Variants in ECM2 observed in about 807,000 individuals in gnomAD.
ECM2 encodes the protein extracellular matrix protein 2, female organ and adipocyte specific.
Under a neutral mutation model 67.5 loss-of-function variants are expected in ECM2, and 57 were observed. The ratio of observed to expected loss-of-function variants is 0.84; its 90% CI spans 0.68 to 1.05. The LOEUF is 1.05. Among genes scored for constraint, ECM2 ranks in the 50% least tolerant of loss-of-function variants. The pLI, the probability that ECM2 is intolerant of heterozygous loss-of-function variation, is 0.00. For missense variants in ECM2, 741 were observed against 822.8 expected (o/e 0.90, Z 1.22); for synonymous variants, 258 against 294.5 (o/e 0.88, Z 1.27).
chr9:92,494,872 A>C (rs111893112), downstream of ECM2, among the ~76,000 whole-genome samples: 1,618 of 152,194 alleles, frequency 0.011, 33 homozygotes, highest in African/African-American at 0.037. Context: ...GCACCACTGC[A>C]CTCCAGCCTG....
rs1357055524 is a variant in ECM2 at position 92,514,872 on chromosome 9, C to T, written c.813G>A (p.Glu271=). The T allele has an allele frequency of 1.2e-6, 2 of 1,613,138 alleles. No homozygotes were observed. Among genetic ancestry groups the T allele is most frequent in the East Asian group, 2.2e-5 (1 of 44,886 alleles). ...AHQQQRQGRE[E]EEDEEEEGEE... ...CACCCTCCTCCTCCTCATCCTCCTC[C>T]TCCTCCCTTCCTTGGCGTTGTTGCT... Residue 271 remains glutamate (E), a synonymous_variant, in exon 4 of 10, where the codon GAG becomes GAA. Transcript: ENST00000344604.
chr9:92,548,437 C>A, the ECM2 span, among the ~76,000 whole-genome samples: 2 of 152,186 alleles, frequency 1.3e-5, no homozygotes, highest in East Asian at 3.8e-4. Context: ...CCACCCCATA[C>A]TTGCCAGGAT....
intron 2 of ECM2, 64 bp downstream of exon 2, chr9:92,522,511 C>T: frequency 1.4e-6 from 2 of 1,431,796 alleles, no homozygotes; most frequent in African/African-American, 1.4e-5. Flanking sequence ...CTCTCCTTCT[C>T]TTTCCCCATA....
the ECM2 span, among the ~76,000 whole-genome samples, chr9:92,545,788 A>C: frequency 1.8e-3 from 274 of 152,204 alleles, no homozygotes; most frequent in Admixed American, 3.7e-3. Context: ...ACCAGTCAGC[A>C]CTCCGTGTCT....
chr9:92,518,163 CA>C (rs546879809), intron 2 of ECM2, among the ~76,000 whole-genome samples: 92 of 152,288 alleles, frequency 6.0e-4, no homozygotes, highest in African/African-American at 2.1e-3. Flanking sequence ...TTAAATTATA[CA>C]ACATCAACAA....
chr9:92,522,613 C>T lies in ECM2; in HGVS notation c.254G>A (p.Ser85Asn), dbSNP rs1848147472. The change falls in exon 2 of 10, where the codon AGT becomes AAT. Residue 85 changes from serine (S) to asparagine (N), a missense_variant. Physicochemically the swap from Ser to Asn is conservative, Grantham distance 46. Coordinates refer to ENST00000344604, the MANE Select transcript of ECM2 (RefSeq NM_001393.4). The stretch of plus-strand genomic sequence containing the variant: ...ATAACTTGATTCTACTCCAGGAAAA[C>T]TTGAAAAGGATTCAAACTTTTCCTC... ...SMEEKFESFS[S>N]FPGVESSYNV... 1 of 1,613,526 alleles carries T rather than the reference C, an allele frequency of 6.2e-7. No individual in the cohort carries two copies. Among genetic ancestry groups the T allele is most frequent in the Non-Finnish European group, 8.5e-7 (1 of 1,179,828 alleles).
chr9:92,556,867 T>A, the ECM2 span, among the ~76,000 whole-genome samples: 1 of 152,222 alleles, frequency 6.6e-6, no homozygotes, highest in African/African-American at 2.4e-5. Context: ...CTGTGTACTT[T>A]GTGGGTTTTT....
At chr9:92,513,572 C>G (rs1035902479) in intron 4 of ECM2, among the ~76,000 whole-genome samples, 1 of 152,186 alleles carries the variant, frequency 6.6e-6, no homozygotes, top group African/African-American at 2.4e-5. Flanking sequence ...ATAGGAAACC[C>G]TGCCCCATCC....
the ECM2 span, among the ~76,000 whole-genome samples, chr9:92,550,232 C>T: frequency 5.3e-5 from 8 of 152,254 alleles, no homozygotes; most frequent in Middle Eastern, 3.4e-3. Context: ...CCCGTCTCTA[C>T]TAAAATACAC....
At chr9:92,515,279 A>G in intron 3 of ECM2, 76 bp from the exon 4 acceptor site, 1 of 1,385,394 alleles carries the variant, frequency 7.2e-7, no homozygotes, top group East Asian at 2.6e-5. Flanking sequence ...AATGAAAATG[A>G]GGTTAGTAAA....
chr9:92,506,367 A>G (rs1365896935), intron 6 of ECM2, among the ~76,000 whole-genome samples: 3 of 152,048 alleles, frequency 2.0e-5, no homozygotes, highest in Non-Finnish European at 4.4e-5. Context: ...CTAGCAAGAA[A>G]GGCCTTTATA....
intron 1 of ECM2, 82 bp from the exon 2 acceptor site, chr9:92,522,975 T>C: frequency 7.7e-7 from 1 of 1,304,252 alleles, no homozygotes; most frequent in Non-Finnish European, 1.0e-6. Context: ...CTTGTATGCC[T>C]CAGTAGGCAA....
At chr9:92,494,298 C>T, downstream of ECM2, 1 of 624,760 alleles carries the variant, frequency 1.6e-6, no homozygotes, top group Admixed American at 3.0e-5. Context: ...TGCCTTAAAC[C>T]ATTTATGTCA....
rs143859115 is a variant in ECM2 at position 92,502,596 on chromosome 9, A to T, written c.1521T>A (p.His507Gln). The change falls in exon 8 of 10, where the codon CAT becomes CAA. Residue 507 changes from histidine (H) to glutamine (Q), a missense_variant. Transcript: ENST00000344604. ...IEEITEICFN[H>Q]TRKINVIVLR... ...GTACAATGACATTGATCTTTCTGGTATGATTGAAACAAATTTCAGTTATTT... is the reference window on the plus strand; with the variant it reads ...GTACAATGACATTGATCTTTCTGGTTTGATTGAAACAAATTTCAGTTATTT... 5.6e-5 allele frequency: 90 copies of T among 1,608,922 alleles called. No individual in the cohort carries two copies. In the African/African-American group the frequency reaches 1.1e-3, roughly 19 times the overall value.
At chr9:92,558,688 G>A in the ECM2 span, among the ~76,000 whole-genome samples, 2 of 152,116 alleles carry the variant, frequency 1.3e-5, no homozygotes, top group Non-Finnish European at 1.5e-5. Context: ...CAGTAGGCGG[G>A]GTCCTAGAAT....
intron 1 of ECM2, among the ~76,000 whole-genome samples, chr9:92,533,328 AATATATATATATATATATAT>A (rs202147064): frequency 1.0e-4 from 4 of 38,334 alleles, no homozygotes; most frequent in African/African-American, 1.5e-4. Flanking sequence ...AAAAAAAAAA[AATATATATATATATATATAT>A]ATATATATAT....
the ECM2 span, among the ~76,000 whole-genome samples, chr9:92,549,760 T>C: frequency 6.6e-6 from 1 of 152,234 alleles, no homozygotes; most frequent in Non-Finnish European, 1.5e-5. Context: ...TCTGTGCTTC[T>C]TTGATCTGCC....
At chr9:92,533,428 G>A (rs1588247282) in intron 1 of ECM2, among the ~76,000 whole-genome samples, 1 of 126,246 alleles carries the variant, frequency 7.9e-6, no homozygotes, top group Non-Finnish European at 1.6e-5. Flanking sequence ...TTGTTTGTTT[G>A]TTTCTCTCTG....
chr9:92,496,046 G>T lies in ECM2; in HGVS notation c.*269C>A, dbSNP rs893117164. 13 of 1,052,204 alleles carry T rather than the reference G, an allele frequency of 1.2e-5. No individual in the cohort carries two copies. In the African/African-American group the frequency reaches 2.2e-4, roughly 18 times the overall value. 65.2% of individuals were successfully genotyped at this position (1,052,204 alleles called of 1,614,324 possible). On this transcript the variant is annotated 3_prime_UTR_variant, in exon 10 of 10. Coordinates refer to ENST00000344604, the MANE Select transcript of ECM2 (RefSeq NM_001393.4). Reference sequence around the variant, plus strand: ...TTTTGTTCCAGACTCTTCTGGTCTAGCTCAGTATGCATAATATCCTATTCT... The same window carrying T: ...TTTTGTTCCAGACTCTTCTGGTCTATCTCAGTATGCATAATATCCTATTCT...
Sources: allele counts gnomAD v4.1 joint callset (sites outside exome capture counted in the v4.1 genomes callset), GRCh38; gene constraint gnomAD v4.1.1; transcripts MANE v1.5; gene names NCBI Gene and HGNC (gene_info 2026-07-23, HGNC 2026-07-21).